Variants in KMT2C observed in about 807,000 individuals in gnomAD.
KMT2C encodes the protein lysine methyltransferase 2C, also known as histone-lysine N-methyltransferase 2C.
In KMT2C, 88 loss-of-function variants were observed where a neutral mutation model predicts 507.9. The observed-to-expected ratio is 0.17, with a 90% CI of 0.15 to 0.21. The LOEUF (loss-of-function observed/expected upper bound fraction) is 0.21. Ranked by LOEUF, KMT2C falls within the 10% of genes least tolerant of loss-of-function variation. The pLI is 1.00. For synonymous variants in KMT2C, 2,049 were observed against 2,080.8 expected (o/e 0.98, Z 0.42); for missense variants, 4,954 against 5,957.8 (o/e 0.83, Z 5.55).
At chr7:152,342,827 G>T (rs2097010356) in intron 2 of KMT2C, among the ~76,000 whole-genome samples, 1 of 152,156 alleles carries the variant, frequency 6.6e-6, no homozygotes, top group African/African-American at 2.4e-5. Flanking sequence ...CTCTTAACAA[G>T]GCCTGCCTTC....
intron 1 of KMT2C, among the ~76,000 whole-genome samples, chr7:152,385,728 G>C (rs553615893): frequency 2.0e-5 from 3 of 149,610 alleles, no homozygotes; most frequent in Non-Finnish European, 4.4e-5. Flanking sequence ...TATGATGGTG[G>C]TATTAGGTTT....
chr7:152,346,892 C>A (rs565311834), intron 2 of KMT2C, among the ~76,000 whole-genome samples: 1 of 152,192 alleles, frequency 6.6e-6, no homozygotes, highest in African/African-American at 2.4e-5. Context: ...TCTGGGAGGC[C>A]GAGGCGGGCG....
At chr7:152,371,677 G>T (rs1000012312) in intron 1 of KMT2C, among the ~76,000 whole-genome samples, 4 of 151,804 alleles carry the variant, frequency 2.6e-5, no homozygotes, top group Non-Finnish European at 5.9e-5. Flanking sequence ...GCAGTGGCAT[G>T]ATCTCAGCTC....
chr7:152,330,822 G>A, intron 2 of KMT2C, 83 bp from the exon 3 acceptor site: 1 of 1,258,814 alleles, frequency 7.9e-7, no homozygotes, highest in Non-Finnish European at 1.1e-6. Flanking sequence ...TAAAGCATAG[G>A]TCATAATGTA....
chr7:152,331,203 G>A (rs890303678), intron 2 of KMT2C, among the ~76,000 whole-genome samples: 2 of 152,062 alleles, frequency 1.3e-5, no homozygotes, highest in African/African-American at 2.4e-5. Flanking sequence ...AGCTACTCAG[G>A]AGGCTGAGAT....
At chr7:152,266,889 T>C (rs1278218013) in intron 7 of KMT2C, among the ~76,000 whole-genome samples, 3 of 152,298 alleles carry the variant, frequency 2.0e-5, no homozygotes, top group African/African-American at 7.2e-5. Flanking sequence ...CTAATACTCA[T>C]CTGAAGCTAC....
intron 23 of KMT2C, among the ~76,000 whole-genome samples, chr7:152,208,830 C>A (rs1220368917): frequency 1.3e-5 from 2 of 152,146 alleles, no homozygotes; most frequent in African/African-American, 4.8e-5. Context: ...AATTCCATAA[C>A]AATCTGATAA....
chr7:152,240,555 G>A (rs1377638090), intron 14 of KMT2C, among the ~76,000 whole-genome samples: 1 of 152,278 alleles, frequency 6.6e-6, no homozygotes, highest in Admixed American at 6.5e-5. Flanking sequence ...CTCCAAATTA[G>A]CAGGATTTTC....
intron 6 of KMT2C, among the ~76,000 whole-genome samples, chr7:152,287,280 C>G (rs1014267652): frequency 6.6e-6 from 1 of 152,230 alleles, no homozygotes; most frequent in African/African-American, 2.4e-5. Context: ...TTAACCACCC[C>G]TCCATCCCAT....
At chr7:152,179,543 C>A (rs1202809639) in intron 37 of KMT2C, among the ~76,000 whole-genome samples, 1 of 151,450 alleles carries the variant, frequency 6.6e-6, no homozygotes, top group Non-Finnish European at 1.5e-5. Context: ...CACTAAATAG[C>A]AGATTATATA....
chr7:152,329,704 G>A (rs2129211361), intron 3 of KMT2C, among the ~76,000 whole-genome samples: 1 of 151,290 alleles, frequency 6.6e-6, no homozygotes, highest in East Asian at 2.0e-4. Flanking sequence ...GGGCGGGAAG[G>A]AAGGAGGGAA....
At chr7:152,334,013 T>A (rs149772239) in intron 2 of KMT2C, among the ~76,000 whole-genome samples, 125 of 152,256 alleles carry the variant, frequency 8.2e-4, no homozygotes, top group African/African-American at 2.9e-3. Flanking sequence ...TTTACATTTC[T>A]ATGTGACAAA....
rs879896015 is a variant in KMT2C at position 152,164,291 on chromosome 7, A to AT, written c.9751-466dup. Among the ~76,000 whole-genome samples the AT allele has an allele frequency of 3.3e-3, 469 of 142,654 alleles. 1 individual carries two copies. Among genetic ancestry groups the AT allele is most frequent in the Non-Finnish European group, 4.4e-3 (285 of 64,854 alleles). 93.6% of individuals were successfully genotyped at this position (142,654 alleles called of 152,430 possible). ...TTCTTAAATATATAAATTGTACAAC[A>AT]TTTTTTTTTTTTTTTTGAGACGGAG... On this transcript the variant is annotated intron_variant, in intron 42 of 58. Coordinates refer to ENST00000262189, the MANE Select transcript of KMT2C (RefSeq NM_170606.3).
In KMT2C at chr7:152,148,617, G is replaced by A. The variant is rs771018478; in HGVS notation, c.13310C>T (p.Thr4437Met). The A allele has an allele frequency of 5.0e-6, 8 of 1,614,048 alleles. No homozygotes were observed. In the African/African-American group the frequency reaches 5.3e-5, roughly 11 times the overall value. Reference sequence around the variant, plus strand: ...ACCAGCCTGAGTCTCATAGACCTCCGTGGACCACAGAGCGCAGTTCAAGTG... The same window carrying A: ...ACCAGCCTGAGTCTCATAGACCTCCATGGACCACAGAGCGCAGTTCAAGTG... ...WVHLNCALWS[T>M]EVYETQAGAL... Residue 4437 changes from threonine to methionine, a missense_variant, in exon 52 of 59, where the codon ACG (threonine) becomes ATG (methionine). Around this residue, in one of 29 missense-constraint regions of KMT2C, gnomAD observed 39 missense variants for 101.8 expected, o/e 0.38. Transcript: ENST00000262189. The surrounding 1 kb of genome is among the most constrained non-coding windows in gnomAD (Gnocchi z 7.1).
At chr7:152,166,537 C>T (rs1359852756) in intron 42 of KMT2C, among the ~76,000 whole-genome samples, 1 of 152,030 alleles carries the variant, frequency 6.6e-6, no homozygotes, top group Non-Finnish European at 1.5e-5. Context: ...TTCTTCTTTT[C>T]CAGTATATTA....
intron 1 of KMT2C, among the ~76,000 whole-genome samples, chr7:152,406,989 C>T (rs2770511): frequency 6.6e-4 from 63 of 95,924 alleles, no homozygotes; most frequent in South Asian, 3.2e-3. Context: ...ACTACAGAAA[C>T]TGAAACATTT....
intron 1 of KMT2C, among the ~76,000 whole-genome samples, chr7:152,422,011 T>C (rs1423176452): frequency 6.6e-6 from 1 of 152,130 alleles, no homozygotes; most frequent in Non-Finnish European, 1.5e-5. Context: ...ACCAAATGTT[T>C]TCAATGAAAA....
intron 1 of KMT2C, among the ~76,000 whole-genome samples, chr7:152,418,021 C>T (rs1435901479): frequency 2.0e-5 from 3 of 151,054 alleles, no homozygotes; most frequent in Admixed American, 6.6e-5. Context: ...GGCACAATCT[C>T]GGCTCACTGC....
In KMT2C at chr7:152,135,319, C is replaced by G. The variant is rs1175077265; in HGVS notation, c.*1513G>C. On this transcript the variant is annotated 3_prime_UTR_variant, in exon 59 of 59. Coordinates refer to ENST00000262189, the MANE Select transcript of KMT2C (RefSeq NM_170606.3). ...ATACTTAGCCTGTGAAGTGTCAGTA[C>G]CAGAATTTTAAGTACAAAATAAAAA... 9 of 217,508 alleles carry G rather than the reference C, an allele frequency of 4.1e-5. No homozygotes were observed. Among genetic ancestry groups the G allele is most frequent in the Non-Finnish European group, 7.4e-5 (8 of 107,958 alleles). The allele number at this position is 217,508 out of a possible 1,614,324, so 13.5% of individuals were successfully genotyped here. A position where few individuals can be genotyped will look rare whatever the true frequency, so the allele number is the denominator to read the frequency against.
Sources: allele counts gnomAD v4.1 joint callset (sites outside exome capture counted in the v4.1 genomes callset), GRCh38; gene constraint gnomAD v4.1.1; regional missense constraint gnomAD v4.1.1; non-coding constraint Gnocchi (gnomAD v3.1); transcripts MANE v1.5; gene names NCBI Gene and HGNC (gene_info 2026-07-23, HGNC 2026-07-21).